The following XKR9 variants were observed in gnomAD, a reference collection of about 807,000 sequenced individuals.
XKR9 encodes XK-related protein 9.
A neutral mutation model predicts 32.0 loss-of-function variants in XKR9; 32 were observed. The ratio of observed to expected loss-of-function variants is 1.00; its 90% CI spans 0.76 to 1.34. The LOEUF is 1.34. XKR9 is among the 40% of genes most tolerant of loss of function. The pLI is 0.00. For missense variants in XKR9, 546 were observed against 429.7 expected, an observed-to-expected ratio of 1.27 and a Z score of -2.39; for synonymous variants, 168 against 143.4, an observed-to-expected ratio of 1.17 and a Z score of -1.22.
the XKR9 span, among the ~76,000 whole-genome samples, chr8:70,978,426 C>T: frequency 1.4e-4 from 22 of 152,134 alleles, no homozygotes; most frequent in African/African-American, 5.3e-4. Context: ...TTAGGGCAGG[C>T]CTGGTGGTGA....
At chr8:70,974,252 T>A in the XKR9 span, among the ~76,000 whole-genome samples, 4 of 152,084 alleles carry the variant, frequency 2.6e-5, no homozygotes, top group African/African-American at 4.8e-5. Context: ...TGCTTTTTTT[T>A]AAATTGTACT....
At chr8:70,858,735 A>G in the XKR9 span, among the ~76,000 whole-genome samples, 1 of 152,034 alleles carries the variant, frequency 6.6e-6, no homozygotes, top group Non-Finnish European at 1.5e-5. Context: ...TGACAAAGGT[A>G]TCAAGAACAT....
chr8:70,829,782 C>T, the XKR9 span, among the ~76,000 whole-genome samples: 1 of 152,122 alleles, frequency 6.6e-6, no homozygotes, highest in Non-Finnish European at 1.5e-5. Context: ...TACCAACTTA[C>T]GTTCCCAAAG....
intron 2 of XKR9, among the ~76,000 whole-genome samples, chr8:70,761,328 AAC>A (rs1406843749): frequency 1.3e-5 from 2 of 152,182 alleles, no homozygotes; most frequent in Non-Finnish European, 2.9e-5. Flanking sequence ...CACTCCCACC[AAC>A]AGTGTAAAAG....
At chr8:70,967,065 C>CTTTTTTTTTTTTTTTTTTTTTTTTTTTTT in the XKR9 span, among the ~76,000 whole-genome samples, 3 of 101,290 alleles carry the variant, frequency 3.0e-5, no homozygotes, top group African/African-American at 4.2e-5. Context: ...GATCTTGACT[C>CTTTTTTTTTTTTTTTTTTTTTTTTTTTTT]TTTTTTTTTT....
the XKR9 span, among the ~76,000 whole-genome samples, chr8:70,840,260 A>C: frequency 2.6e-5 from 4 of 152,176 alleles, no homozygotes; most frequent in African/African-American, 9.6e-5. Context: ...GTAACCTCCC[A>C]AAACTGGTTG....
intron 3 of XKR9, among the ~76,000 whole-genome samples, chr8:70,684,430 A>G (rs969496611): frequency 6.6e-6 from 1 of 152,176 alleles, no homozygotes; most frequent in African/African-American, 2.4e-5. Context: ...CATTGCTATC[A>G]TTCATTTCAC....
intron 4 of XKR9, among the ~76,000 whole-genome samples, chr8:70,733,090 G>T (rs1806726142): frequency 6.6e-6 from 1 of 152,180 alleles, no homozygotes; most frequent in Non-Finnish European, 1.5e-5. Context: ...CATAGTGACA[G>T]AGTGAGACTC....
intron 2 of XKR9, among the ~76,000 whole-genome samples, chr8:70,783,182 A>G (rs1586897177): frequency 1.3e-5 from 2 of 152,024 alleles, no homozygotes; most frequent in Middle Eastern, 3.4e-3. Context: ...AATGGTTAGC[A>G]ATATTAAGCA....
intron 2 of XKR9, among the ~76,000 whole-genome samples, chr8:70,742,264 G>C (rs41517045): frequency 0.073 from 11,055 of 152,268 alleles, 477 homozygotes; most frequent in Non-Finnish European, 0.089. Flanking sequence ...TAAGCAGTGT[G>C]AACCATTTAC....
At chr8:70,887,371 T>G in the XKR9 span, among the ~76,000 whole-genome samples, 1 of 152,206 alleles carries the variant, frequency 6.6e-6, no homozygotes, top group Admixed American at 6.5e-5. Flanking sequence ...CCTCCAGCTT[T>G]GTTCTTTTTG....
the XKR9 span, among the ~76,000 whole-genome samples, chr8:70,897,605 T>C: frequency 6.6e-6 from 1 of 152,212 alleles, no homozygotes; most frequent in Non-Finnish European, 1.5e-5. Context: ...ATTGTAGTTT[T>C]AATTTGCTTT....
the XKR9 span, among the ~76,000 whole-genome samples, chr8:70,818,634 T>C: frequency 2.6e-5 from 4 of 152,344 alleles, no homozygotes; most frequent in Non-Finnish European, 5.9e-5. Flanking sequence ...CATGTATGCT[T>C]AGTATAGTAT....
At chr8:70,698,722 T>C (rs1364301329) in intron 3 of XKR9, among the ~76,000 whole-genome samples, 3 of 152,170 alleles carry the variant, frequency 2.0e-5, no homozygotes, top group Non-Finnish European at 4.4e-5. Flanking sequence ...AGAGCTGAGT[T>C]CAATTCCTGG....
chr8:70,697,905 A>C (rs1404474897), intron 3 of XKR9, among the ~76,000 whole-genome samples: 1 of 151,878 alleles, frequency 6.6e-6, no homozygotes, highest in Non-Finnish European at 1.5e-5. Flanking sequence ...TTCCTGGTTT[A>C]GTCTTGGGAG....
intron 2 of XKR9, among the ~76,000 whole-genome samples, chr8:70,755,351 C>G (rs1293934097): frequency 6.6e-6 from 1 of 152,144 alleles, no homozygotes; most frequent in Non-Finnish European, 1.5e-5. Context: ...GTCAGTGTGG[C>G]GATTCCTCAG....
At chr8:70,847,473 A>G in the XKR9 span, among the ~76,000 whole-genome samples, 1 of 151,974 alleles carries the variant, frequency 6.6e-6, no homozygotes, top group East Asian at 1.9e-4. Context: ...GGAAAGAAAT[A>G]ATGAAGATCA....
At chr8:70,839,210 G>A in the XKR9 span, among the ~76,000 whole-genome samples, 2 of 151,968 alleles carry the variant, frequency 1.3e-5, no homozygotes, top group African/African-American at 2.4e-5. Context: ...AAATTTTAAG[G>A]TCCTAAAACC....
the XKR9 span, among the ~76,000 whole-genome samples, chr8:71,011,724 T>C: frequency 2.0e-5 from 3 of 152,182 alleles, no homozygotes; most frequent in African/African-American, 7.2e-5. Context: ...AACATAAAAC[T>C]AACTTGGTCA....
Sources: gnomAD v4.1 joint callset for allele counts (sites outside exome capture counted in the v4.1 genomes callset) on GRCh38, gnomAD v4.1.1 for gene constraint, MANE v1.5 for transcripts, NCBI Gene and HGNC (gene_info 2026-07-23, HGNC 2026-07-21) for gene names.